ASIC2: variants seen among roughly 807,000 people sequenced by gnomAD.
The protein encoded by ASIC2 is acid-sensing ion channel 2.
Under a neutral mutation model 57.3 loss-of-function variants are expected in ASIC2, and 25 were observed. The ratio of observed to expected loss-of-function variants is 0.44; its 90% CI spans 0.32 to 0.61. ASIC2 has a LOEUF of 0.61. Ranked by LOEUF, ASIC2 falls within the 20% of genes least tolerant of loss-of-function variation. ASIC2 has a pLI of 0.06. For missense variants in ASIC2, 641 were observed against 738.1 expected (o/e 0.87, Z 1.52); for synonymous variants, 319 against 307.5 (o/e 1.04, Z -0.39).
intron 2 of ASIC2, among the ~76,000 whole-genome samples, chr17:33,095,799 T>A (rs2092176506): frequency 6.6e-6 from 1 of 152,234 alleles, no homozygotes; most frequent in Non-Finnish European, 1.5e-5. Context: ...GTGGCTGATA[T>A]CTTTCTGGTC....
At chr17:33,420,754 G>A in intron 1 of ASIC2, among the ~76,000 whole-genome samples, 1 of 152,156 alleles carries the variant, frequency 6.6e-6, no homozygotes, top group East Asian at 1.9e-4. Flanking sequence ...CTGACTTCAA[G>A]CTACCAACAC....
chr17:34,107,322 C>T (rs919584937), intron 1 of ASIC2, among the ~76,000 whole-genome samples: 8 of 151,996 alleles, frequency 5.3e-5, no homozygotes, highest in African/African-American at 1.7e-4. Context: ...GAAAACATGG[C>T]AAAACCCCAT....
At chr17:33,761,573 G>C (rs1210773902) in intron 1 of ASIC2, among the ~76,000 whole-genome samples, 1 of 152,172 alleles carries the variant, frequency 6.6e-6, no homozygotes, top group Non-Finnish European at 1.5e-5. Flanking sequence ...AGGGACTTCA[G>C]CTTGAGATGG....
chr17:33,686,957 A>G (rs1045484625), intron 1 of ASIC2, among the ~76,000 whole-genome samples: 7 of 152,184 alleles, frequency 4.6e-5, no homozygotes, highest in Admixed American at 2.0e-4. Context: ...AGCCAAGAAC[A>G]GTCTAGCTGA....
chr17:33,014,192 A>G, intron 9 of ASIC2, 126 bp from the exon 10 acceptor site: 1 of 733,496 alleles, frequency 1.4e-6, no homozygotes, highest in Non-Finnish European at 2.4e-6. Flanking sequence ...TGCTCCAGAC[A>G]TCTGATAGGC....
intron 3 of ASIC2, among the ~76,000 whole-genome samples, chr17:33,046,589 C>A (rs555345595): frequency 2.8e-4 from 42 of 152,180 alleles, no homozygotes; most frequent in African/African-American, 9.9e-4. Flanking sequence ...GCCCGCCTGT[C>A]CTCCCCTCCA....
intron 1 of ASIC2, among the ~76,000 whole-genome samples, chr17:33,562,282 G>A (rs1597785612): frequency 6.6e-6 from 1 of 151,898 alleles, no homozygotes. Context: ...TACAGTAGAA[G>A]CTTCTTGGTT....
At chr17:33,834,900 C>T (rs943119174) in intron 1 of ASIC2, among the ~76,000 whole-genome samples, 1 of 152,098 alleles carries the variant, frequency 6.6e-6, no homozygotes, top group Admixed American at 6.5e-5. Context: ...TGGAGGACTA[C>T]ACCTAGGACA....
chr17:34,022,473 A>G (rs1302564043), intron 1 of ASIC2, among the ~76,000 whole-genome samples: 1 of 152,150 alleles, frequency 6.6e-6, no homozygotes, highest in Non-Finnish European at 1.5e-5. Context: ...AAGATGGGCA[A>G]TCACTGAGTA....
In ASIC2 at chr17:33,540,972, C is replaced by A. The variant is rs1223865721; in HGVS notation, c.556-428905G>T. ...ATTTCTCAGGTTGAAATGTTATTTT[C>A]ATCTTCTTAAAAAGAGAATCCTTCA... On this transcript the variant is annotated intron_variant, in intron 1 of 9. Coordinates refer to the ASIC2 transcript ENST00000359872. Among the ~76,000 whole-genome samples the A allele has an allele frequency of 3.3e-5, 5 of 152,114 alleles. 1 individual carries two copies. The highest frequency in any genetic ancestry group is 7.4e-5 in the Non-Finnish European group (5 of 68,016).
intron 1 of ASIC2, among the ~76,000 whole-genome samples, chr17:33,751,238 T>C (rs939473104): frequency 7.9e-5 from 12 of 152,200 alleles, no homozygotes; most frequent in Admixed American, 2.6e-4. Flanking sequence ...AGACGGCTCA[T>C]AGCTTGCTGC....
intron 3 of ASIC2, among the ~76,000 whole-genome samples, chr17:33,073,415 C>G (rs574812516): frequency 6.6e-6 from 1 of 152,158 alleles, no homozygotes; most frequent in Non-Finnish European, 1.5e-5. Flanking sequence ...GAAAAGAGCA[C>G]AGGCTTTGGA....
At chr17:33,565,677 C>T (rs1034963323) in intron 1 of ASIC2, 2 of 152,218 alleles carry the variant, frequency 1.3e-5, no homozygotes, top group African/African-American at 4.8e-5. Flanking sequence ...ATGGGAAGGG[C>T]CATGTGAACC....
chr17:33,467,310 T>G (rs916972613), intron 1 of ASIC2, among the ~76,000 whole-genome samples: 1 of 152,180 alleles, frequency 6.6e-6, no homozygotes, highest in Non-Finnish European at 1.5e-5. Context: ...TGAAGAAATA[T>G]GAAGTTTATT....
At chr17:33,690,458 G>T (rs1217506231) in intron 1 of ASIC2, among the ~76,000 whole-genome samples, 4 of 152,140 alleles carry the variant, frequency 2.6e-5, no homozygotes, top group African/African-American at 7.2e-5. Flanking sequence ...GGATGCATGG[G>T]CTTCTTCATA....
chr17:33,260,581 T>C (rs1909244499), intron 1 of ASIC2, among the ~76,000 whole-genome samples: 1 of 152,244 alleles, frequency 6.6e-6, no homozygotes, highest in Admixed American at 6.5e-5. Flanking sequence ...TACGAGGTCT[T>C]TGCTGTATTG....
chr17:33,145,746 C>G (rs866356236), intron 1 of ASIC2, among the ~76,000 whole-genome samples: 7 of 152,244 alleles, frequency 4.6e-5, no homozygotes, highest in Middle Eastern at 3.4e-3. Context: ...AATCAAGTAC[C>G]TGGAAGAATA....
At chr17:33,579,470 C>A (rs1916807582) in intron 1 of ASIC2, among the ~76,000 whole-genome samples, 2 of 152,024 alleles carry the variant, frequency 1.3e-5, no homozygotes, top group South Asian at 4.1e-4. Flanking sequence ...ATTCATTCAA[C>A]ATTCATTGAG....
chr17:33,765,505 C>T (rs1432733946), intron 1 of ASIC2, among the ~76,000 whole-genome samples: 1 of 152,200 alleles, frequency 6.6e-6, no homozygotes, highest in Non-Finnish European at 1.5e-5. Context: ...GATGTTGTCT[C>T]AGGCAGGTTC....
Sources: gnomAD v4.1 joint callset for allele counts (sites outside exome capture counted in the v4.1 genomes callset) on GRCh38, gnomAD v4.1.1 for gene constraint, MANE v1.5 for transcripts, NCBI Gene and HGNC (gene_info 2026-07-23, HGNC 2026-07-21) for gene names.